ZNF678: variants seen among roughly 807,000 people sequenced by gnomAD.
ZNF678 encodes zinc finger protein 678.
Under a neutral mutation model 3.0 loss-of-function variants are expected in ZNF678, and 5 were observed. The observed-to-expected ratio is 1.69, with a 90% CI of 0.88 to 3.56. The LOEUF (loss-of-function observed/expected upper bound fraction) is 3.56, where lower values mean the gene tolerates loss of function less well. Ranked by LOEUF, ZNF678 falls within the 30% of genes most tolerant of loss-of-function variation. ZNF678 has a pLI of 0.00. For missense variants in ZNF678, 593 were observed against 605.0 expected (o/e 0.98, Z 0.21); for synonymous variants, 218 against 199.6 (o/e 1.09, Z -0.78).
intron 1 of ZNF678, among the ~76,000 whole-genome samples, chr1:227,622,588 T>A (rs953749491): frequency 6.6e-6 from 1 of 152,224 alleles, no homozygotes. Flanking sequence ...ACAAAAATAT[T>A]TGTCATAATT....
intron 1 of ZNF678, among the ~76,000 whole-genome samples, chr1:227,590,557 G>T (rs1657386512): frequency 6.6e-6 from 1 of 151,736 alleles, no homozygotes; most frequent in African/African-American, 2.4e-5. Flanking sequence ...TTTTCAGGAG[G>T]CCGTTTATCA....
At chr1:227,596,122 G>A (rs749330342) in intron 1 of ZNF678, among the ~76,000 whole-genome samples, 3 of 152,196 alleles carry the variant, frequency 2.0e-5, no homozygotes, top group Admixed American at 6.5e-5. Context: ...CAGGGCAAAT[G>A]CCTACCCGGG....
chr1:227,631,048 T>C (rs1658536074), intron 1 of ZNF678, among the ~76,000 whole-genome samples: 1 of 152,170 alleles, frequency 6.6e-6, no homozygotes, highest in African/African-American at 2.4e-5. Flanking sequence ...CAGAGGAATA[T>C]AAGTTGTTTC....
chr1:227,598,895 C>T, intron 1 of ZNF678: 2 of 690,020 alleles, frequency 2.9e-6, no homozygotes, highest in Non-Finnish European at 2.7e-6. Context: ...TTTTGATGAG[C>T]TCTCACTTCC....
chr1:227,578,337 A>C (rs932866968), intron 1 of ZNF678, among the ~76,000 whole-genome samples: 1 of 152,170 alleles, frequency 6.6e-6, no homozygotes, highest in African/African-American at 2.4e-5. Context: ...ACGTTTTCCA[A>C]CTTGCTTTCA....
intron 1 of ZNF678, among the ~76,000 whole-genome samples, chr1:227,599,804 A>G (rs903024854): frequency 6.6e-6 from 1 of 152,100 alleles, no homozygotes; most frequent in African/African-American, 2.4e-5. Flanking sequence ...ATTCAGCTTT[A>G]TTATTTTTTC....
At chr1:227,571,562 CAATTT>C (rs1210390972) in intron 1 of ZNF678, among the ~76,000 whole-genome samples, 2 of 152,186 alleles carry the variant, frequency 1.3e-5, no homozygotes, top group African/African-American at 2.4e-5. Context: ...ATTCACAATT[CAATTT>C]AAGTTCAACA....
At chr1:227,620,412 TTCTC>T (rs1445538295) in intron 1 of ZNF678, among the ~76,000 whole-genome samples, 1 of 152,328 alleles carries the variant, frequency 6.6e-6, no homozygotes, top group South Asian at 2.1e-4. Context: ...CACACGTTCT[TTCTC>T]AGGCTGTGGG....
intron 1 of ZNF678, among the ~76,000 whole-genome samples, chr1:227,613,967 C>T (rs1362906559): frequency 6.6e-6 from 1 of 152,208 alleles, no homozygotes; most frequent in Non-Finnish European, 1.5e-5. Context: ...CATCTCCAGT[C>T]TTTGAAGGAG....
chr1:227,645,308 CT>C (rs1436585830), intron 1 of ZNF678, among the ~76,000 whole-genome samples: 2 of 152,118 alleles, frequency 1.3e-5, no homozygotes, highest in African/African-American at 4.8e-5. Flanking sequence ...GAAGAAATGG[CT>C]GGTTCTCGGG....
intron 1 of ZNF678, among the ~76,000 whole-genome samples, chr1:227,628,607 G>C (rs1444322551): frequency 1.3e-5 from 2 of 152,236 alleles, no homozygotes; most frequent in African/African-American, 4.8e-5. Flanking sequence ...TGGTGCCTTT[G>C]GATAATTTTA....
intron 1 of ZNF678, among the ~76,000 whole-genome samples, chr1:227,576,003 A>G (rs1442527168): frequency 1.3e-5 from 2 of 152,082 alleles, no homozygotes; most frequent in Non-Finnish European, 2.9e-5. Flanking sequence ...TGAGATAATC[A>G]TGTTATTTTT....
intron 1 of ZNF678, among the ~76,000 whole-genome samples, chr1:227,585,993 T>C (rs546938965): frequency 1.3e-5 from 2 of 152,282 alleles, no homozygotes; most frequent in Admixed American, 6.5e-5. Flanking sequence ...CCAGATTTAC[T>C]ACAGTATGGT....
chr1:227,624,036 T>G (rs1307401634), intron 1 of ZNF678, among the ~76,000 whole-genome samples: 2 of 152,224 alleles, frequency 1.3e-5, no homozygotes, highest in Admixed American at 6.5e-5. Flanking sequence ...TTTTTTTATA[T>G]GTACTATAAG....
At chr1:227,670,953 A>C (rs1044233680) in intron 5 of ZNF678, among the ~76,000 whole-genome samples, 2 of 147,642 alleles carry the variant, frequency 1.4e-5, no homozygotes, top group African/African-American at 2.5e-5. Context: ...GTGTTCCTTC[A>C]TGTGAGGCCT....
In ZNF678 at chr1:227,648,682, G is replaced by A. The variant is rs138551252; in HGVS notation, c.-37+2012G>A. Among the ~76,000 whole-genome samples the A allele has an allele frequency of 4.0e-3, 616 of 152,240 alleles. 5 individuals carry two copies. The highest frequency in any genetic ancestry group is 0.014 in the African/African-American group (568 of 41,534). ...AAAAAAACAAAAATTAGCTGGGCAT[G>A]GTGGCAGGTGCCTGTAATCCCAGCT... is the stretch of plus-strand genomic sequence containing the variant. On this transcript the variant is annotated intron_variant, in intron 2 of 3. Transcript: ENST00000343776.
At chr1:227,630,235 C>T (rs1208105093) in intron 1 of ZNF678, among the ~76,000 whole-genome samples, 4 of 152,184 alleles carry the variant, frequency 2.6e-5, no homozygotes, top group Non-Finnish European at 4.4e-5. Context: ...TTATAGTGGA[C>T]ATCATTGAAT....
At chr1:227,606,386 C>T (rs1657871531) in intron 1 of ZNF678, among the ~76,000 whole-genome samples, 1 of 152,200 alleles carries the variant, frequency 6.6e-6, no homozygotes, top group Non-Finnish European at 1.5e-5. Flanking sequence ...TTTACCCAAA[C>T]ATCTCAGTGT....
At chr1:227,643,171 G>A (rs1658864955) in intron 1 of ZNF678, among the ~76,000 whole-genome samples, 1 of 152,098 alleles carries the variant, frequency 6.6e-6, no homozygotes, top group South Asian at 2.1e-4. Flanking sequence ...AGTAGTAGGA[G>A]GAGGAGGAGG....
Sources: gnomAD v4.1 joint callset for allele counts (sites outside exome capture counted in the v4.1 genomes callset) on GRCh38, gnomAD v4.1.1 for gene constraint, MANE v1.5 for transcripts, NCBI Gene and HGNC (gene_info 2026-07-23, HGNC 2026-07-21) for gene names.